The following MUTYH variants were observed in gnomAD, a reference collection of about 807,000 sequenced individuals.
MUTYH encodes adenine DNA glycosylase.
Under a neutral mutation model 72.9 loss-of-function variants are expected in MUTYH, and 64 were observed. The observed-to-expected ratio is 0.88, with a 90% CI of 0.72 to 1.08. MUTYH has a LOEUF of 1.08. MUTYH is among the 50% of genes least tolerant of loss of function. The probability of loss-of-function intolerance (pLI) is 0.00; values close to 1 mark genes in which losing one functional copy is unlikely to be tolerated. For missense variants in MUTYH, 633 were observed against 671.0 expected, an observed-to-expected ratio of 0.94 and a Z score of 0.63; for synonymous variants, 234 against 263.1, an observed-to-expected ratio of 0.89 and a Z score of 1.07.
chr1:45,335,638 C>T lies in MUTYH; in HGVS notation c.-6-1127G>A, dbSNP rs568238173. On this transcript the variant is annotated intron_variant, in intron 1 of 15. Coordinates refer to ENST00000456914, the MANE Select transcript of MUTYH (RefSeq NM_001048174.2). Reference sequence around the variant, plus strand: ...GCGGGAGGCTAAGGCAGGCAGATCACTTGAGGCCAGGAGTTCGAGACCAGC... The same window carrying T: ...GCGGGAGGCTAAGGCAGGCAGATCATTTGAGGCCAGGAGTTCGAGACCAGC... Among the ~76,000 whole-genome samples, 3 of 152,194 alleles carry T rather than the reference C, an allele frequency of 2.0e-5. No individual in the cohort carries two copies. The East Asian group carries it at 5.8e-4, about 29-fold the overall frequency.
chr1:45,338,840 A>C (rs1232799548), intron 1 of MUTYH, among the ~76,000 whole-genome samples: 1 of 151,816 alleles, frequency 6.6e-6, no homozygotes, highest in Non-Finnish European at 1.5e-5. Flanking sequence ...AACATGGCTC[A>C]CTGCAGCCTC....
At position 45,329,439 on chromosome 1, in the gene MUTYH, T is replaced by C. The variant is rs1553123105; in HGVS notation, c.1435-2A>G. ...GGACACCTGGGACCTTTTGGAACCC[T>C]GTGAAAAAATGGAAGGAGGGAGGCC... is the stretch of plus-strand genomic sequence containing the variant. On this transcript the variant is annotated splice_acceptor_variant, in intron 15 of 15. Transcript: ENST00000456914. LOFTEE classifies it high-confidence loss of function. 1 of 1,613,414 alleles carries C rather than the reference T, an allele frequency of 6.2e-7. No individual in the cohort carries two copies. The highest frequency in any genetic ancestry group is 8.5e-7 in the Non-Finnish European group (1 of 1,179,766).
Position 45,331,207 on chromosome 1 carries a change from G to A in MUTYH, c.1367C>T (p.Ala456Val). The A allele has an allele frequency of 6.2e-7, 1 of 1,614,232 alleles. No homozygotes were observed. Among genetic ancestry groups the A allele is most frequent in the Non-Finnish European group, 8.5e-7 (1 of 1,180,044 alleles). The change falls in exon 14 of 16, where the codon GCA (alanine) becomes GTA (valine). Residue 456 changes from alanine to valine, a missense_variant. Transcript: ENST00000456914. The stretch of plus-strand genomic sequence containing the variant: ...CTTTTTCATGGCGGTGGAAACAGCT[G>A]CGGTGTGAAATTCCTCCTGCGTCAG... ...RWLTQEEFHT[A>V]AVSTAMKKVF...
chr1:45,331,042 G>A (rs757910363), intron 14 of MUTYH, 140 bp downstream of exon 14: 46 of 1,142,162 alleles, frequency 4.0e-5, no homozygotes, highest in South Asian at 1.1e-4. Flanking sequence ...CCGAGATAGC[G>A]CCATTGCACT....
At chr1:45,338,298 C>G in intron 1 of MUTYH, 1 of 532,868 alleles carries the variant, frequency 1.9e-6, no homozygotes, top group South Asian at 1.5e-5. Flanking sequence ...CATCCCCTCA[C>G]TATGCTCTAG....
intron 13 of MUTYH, 32 bp from the exon 14 acceptor site, chr1:45,331,366 C>T: frequency 1.2e-6 from 2 of 1,614,168 alleles, no homozygotes; most frequent in South Asian, 2.2e-5. Context: ...TCAAATAGGC[C>T]TGTGGATATA....
intron 15 of MUTYH, 64 bp downstream of exon 15, chr1:45,330,452 C>T (rs1644600759): frequency 9.2e-6 from 14 of 1,521,740 alleles, no homozygotes; most frequent in Non-Finnish European, 1.3e-5. Flanking sequence ...CGTTAGTTAA[C>T]TGACTAAAAA....
chr1:45,337,868 G>A lies in MUTYH; in HGVS notation c.-7+2031C>T, dbSNP rs7522089. On this transcript the variant is annotated intron_variant, in intron 1 of 15. Transcript: ENST00000456914. ...CTCAGGGAGCTTATATTCTAATGGG[G>A]ACAGAAAAGGAATAATGAACATAAG... Among the ~76,000 whole-genome samples, 132 of 152,178 alleles carry A rather than the reference G, an allele frequency of 8.7e-4. 1 individual carries two copies. The highest frequency in any genetic ancestry group is 3.1e-3 in the African/African-American group (129 of 41,540).
At chr1:45,340,052 C>G, upstream of MUTYH, 3 of 1,542,084 alleles carry the variant, frequency 1.9e-6, no homozygotes, top group Non-Finnish European at 2.6e-6. Context: ...GGCTGCGAGC[C>G]GGCAGCACAG....
intron 1 of MUTYH, chr1:45,338,174 G>C (rs1557505777): frequency 1.9e-6 from 1 of 518,628 alleles, no homozygotes; most frequent in East Asian, 4.2e-5. Context: ...GGAGAGGAGG[G>C]TCACAAAGTA....
chr1:45,334,223 A>G lies in MUTYH; in HGVS notation c.115+168T>C. ...AAGCTGGTCTCAAACTCCTGGGCTC[A>G]AGGGATCCACCTGCCTCGGCCTCCC... On this transcript the variant is annotated intron_variant, in intron 2 of 15. Transcript: ENST00000456914. The G allele has an allele frequency of 5.1e-6, 5 of 976,470 alleles. No homozygotes were observed. In the Admixed American group the frequency reaches 7.4e-5, roughly 14 times the overall value. 60.5% of individuals were successfully genotyped at this position (976,470 alleles called of 1,614,324 possible). A position where few individuals can be genotyped will look rare whatever the true frequency, so the allele number is the denominator to read the frequency against.
In MUTYH at chr1:45,332,502, G is replaced by A. The variant is rs2149146483; in HGVS notation, c.607-14C>T. On this transcript the variant is annotated splice_polypyrimidine_tract_variant and intron_variant, in intron 8 of 15. Coordinates refer to ENST00000456914, the MANE Select transcript of MUTYH (RefSeq NM_001048174.2). ...CACACCGGTTGCCTGGCACAGAGGGGCCAAAGAGTTAGCCTGGGCTGGGAG... is the reference window on the plus strand; with the variant it reads ...CACACCGGTTGCCTGGCACAGAGGGACCAAAGAGTTAGCCTGGGCTGGGAG... The A allele has an allele frequency of 6.2e-7, 1 of 1,614,030 alleles. No individual in the cohort carries two copies.
At chr1:45,331,363 G>T in intron 13 of MUTYH, 29 bp from the exon 14 acceptor site, 1 of 1,614,206 alleles carries the variant, frequency 6.2e-7, no homozygotes, top group Middle Eastern at 1.6e-4. Context: ...GGTTCAAATA[G>T]GCCTGTGGAT....
upstream of MUTYH, chr1:45,340,381 G>A (rs3219466): frequency 0.031 from 47,651 of 1,553,774 alleles, 862 homozygotes; most frequent in Non-Finnish European, 0.036. Context: ...CATAGTTCTA[G>A]AGGCTCCTCA....
chr1:45,339,943 G>A lies in MUTYH; in HGVS notation c.-51C>T, dbSNP rs1455732875. On this transcript the variant is annotated 5_prime_UTR_variant, in exon 1 of 16. The change creates a new upstream start codon in the 5' untranslated region. Transcript: ENST00000456914. ...AGACAGCAGAACACGGAGGCCCCGC[G>A]TTCCCGCCGCGAGAGCAGGAGAGAA... 3.4e-6 allele frequency: 5 copies of A among 1,479,244 alleles called. No homozygotes were observed. Among genetic ancestry groups the A allele is most frequent in the African/African-American group, 1.4e-5 (1 of 71,734 alleles). 91.6% of individuals were successfully genotyped at this position (1,479,244 alleles called of 1,614,324 possible). A position where few individuals can be genotyped will look rare whatever the true frequency, so the allele number is the denominator to read the frequency against.
At position 45,329,258 on chromosome 1, in the gene MUTYH, C is replaced by T. The variant is rs1255053204; in HGVS notation, c.*48G>A. The stretch of plus-strand genomic sequence containing the variant: ...AACATAAAATAACTACAAAAATAAG[C>T]ACTTTACTAACAACAGGATTCTCAG... On this transcript the variant is annotated 3_prime_UTR_variant, in exon 16 of 16. Transcript: ENST00000456914. The T allele has an allele frequency of 1.2e-6, 2 of 1,612,660 alleles. No homozygotes were observed. The highest frequency in any genetic ancestry group is 1.7e-5 in the Admixed American group (1 of 60,006).
At chr1:45,330,297 G>C (rs1644569387) in intron 15 of MUTYH, among the ~76,000 whole-genome samples, 1 of 149,388 alleles carries the variant, frequency 6.7e-6, no homozygotes, top group Admixed American at 6.6e-5. Flanking sequence ...CTCAGTACAG[G>C]CATTTCACAC....
In MUTYH at chr1:45,339,940, C is replaced by A. The variant is rs770414609; in HGVS notation, c.-48G>T. ...TGAAGACAGCAGAACACGGAGGCCC[C>A]GCGTTCCCGCCGCGAGAGCAGGAGA... is the stretch of plus-strand genomic sequence containing the variant. On this transcript the variant is annotated 5_prime_UTR_variant, in exon 1 of 16. Transcript: ENST00000456914. 1 of 1,475,990 alleles carries A rather than the reference C, an allele frequency of 6.8e-7. No homozygotes were observed. Among genetic ancestry groups the A allele is most frequent in the Non-Finnish European group, 9.1e-7 (1 of 1,099,196 alleles). 91.4% of individuals were successfully genotyped at this position (1,475,990 alleles called of 1,614,324 possible). A position where few individuals can be genotyped will look rare whatever the true frequency, so the allele number is the denominator to read the frequency against.
Position 45,332,081 on chromosome 1 carries a change from C to T in MUTYH, c.855G>A (p.Glu285=), listed in dbSNP as rs766638306. 1 of 1,614,210 alleles carries T rather than the reference C, an allele frequency of 6.2e-7. No individual in the cohort carries two copies. Among genetic ancestry groups the T allele is most frequent in the Non-Finnish European group, 8.5e-7 (1 of 1,180,026 alleles). The stretch of plus-strand genomic sequence containing the variant: ...TCCCTGAGGCTAAGAGCTGTTCCTG[C>T]TCCACCTGAGAGGCACAGGGTTGAG... ...ESLCRARQRV[E]QEQLLASGSL... is the part of the protein sequence containing the mutation. The change falls in exon 11 of 16, where the codon GAG becomes GAA. Residue 285 remains glutamate (E), a synonymous_variant. Transcript: ENST00000456914.
Sources: allele counts gnomAD v4.1 joint callset (sites outside exome capture counted in the v4.1 genomes callset), GRCh38; gene constraint gnomAD v4.1.1; transcripts MANE v1.5; gene names NCBI Gene and HGNC (gene_info 2026-07-23, HGNC 2026-07-21).